The following SAMMSON variants were observed in gnomAD, a reference collection of about 807,000 sequenced individuals.
SAMMSON encodes long intergenic non-protein coding RNA 1212.
chr3:70,387,720 T>C (rs917391829), intron 9 of SAMMSON, among the ~76,000 whole-genome samples: 7 of 152,136 alleles, frequency 4.6e-5, no homozygotes, highest in Non-Finnish European at 1.0e-4. Flanking sequence ...AATTGTTTTA[T>C]CAAGGATTAA....
chr3:70,371,145 G>T (rs1319650042), intron 9 of SAMMSON, among the ~76,000 whole-genome samples: 1 of 151,852 alleles, frequency 6.6e-6, no homozygotes, highest in Non-Finnish European at 1.5e-5. Context: ...TTTATTTCTG[G>T]GTTCTCTATT....
At chr3:70,263,001 T>G (rs1701881313) in intron 6 of SAMMSON, among the ~76,000 whole-genome samples, 1 of 152,208 alleles carries the variant, frequency 6.6e-6, no homozygotes, top group Non-Finnish European at 1.5e-5. Context: ...GAAATTTTAA[T>G]TTTAGGTATT....
chr3:70,076,191 T>C (rs1407536487), intron 4 of SAMMSON, among the ~76,000 whole-genome samples: 1 of 152,072 alleles, frequency 6.6e-6, no homozygotes, highest in Non-Finnish European at 1.5e-5. Context: ...TAATAACCTG[T>C]TTATGTGAAT....
At chr3:70,121,142 A>C (rs2067431553) in intron 4 of SAMMSON, among the ~76,000 whole-genome samples, 1 of 152,114 alleles carries the variant, frequency 6.6e-6, no homozygotes, top group Admixed American at 6.6e-5. Flanking sequence ...CTCCTATAAG[A>C]ATCTAACGCC....
At chr3:70,098,032 T>C (rs1473506097) in intron 4 of SAMMSON, among the ~76,000 whole-genome samples, 1 of 152,218 alleles carries the variant, frequency 6.6e-6, no homozygotes, top group Non-Finnish European at 1.5e-5. Flanking sequence ...CTTGGGGAAC[T>C]TGATATTACT....
chr3:70,170,418 G>C (rs573335189), intron 4 of SAMMSON, among the ~76,000 whole-genome samples: 1 of 151,558 alleles, frequency 6.6e-6, no homozygotes, highest in African/African-American at 2.4e-5. Context: ...TAATTTTTTT[G>C]TCTCTTTTAA....
At chr3:70,315,092 C>T (rs547367916) in intron 7 of SAMMSON, among the ~76,000 whole-genome samples, 1 of 151,994 alleles carries the variant, frequency 6.6e-6, no homozygotes, top group Non-Finnish European at 1.5e-5. Context: ...TTATTTAAGT[C>T]GAAGCATTAG....
intron 9 of SAMMSON, among the ~76,000 whole-genome samples, chr3:70,359,113 A>C (rs1001048505): frequency 2.6e-5 from 4 of 152,036 alleles, no homozygotes; most frequent in Admixed American, 2.0e-4. Context: ...ATCAGAAAAC[A>C]TCATCATCAA....
intron 7 of SAMMSON, among the ~76,000 whole-genome samples, chr3:70,351,805 T>C (rs192082622): frequency 1.2e-4 from 18 of 152,214 alleles, no homozygotes; most frequent in Non-Finnish European, 1.5e-4. Flanking sequence ...CACTCTTCTC[T>C]AGTCAAACAG....
At chr3:70,222,849 T>C (rs1319084664) in intron 4 of SAMMSON, among the ~76,000 whole-genome samples, 1 of 152,176 alleles carries the variant, frequency 6.6e-6, no homozygotes, top group Non-Finnish European at 1.5e-5. Context: ...TGCTGATGTT[T>C]TAAAGGAATG....
chr3:70,075,669 C>G (rs150380680), intron 4 of SAMMSON, among the ~76,000 whole-genome samples: 1 of 152,138 alleles, frequency 6.6e-6, no homozygotes, highest in Non-Finnish European at 1.5e-5. Flanking sequence ...CTTTCAAAAC[C>G]TACTAGTGCT....
intron 7 of SAMMSON, among the ~76,000 whole-genome samples, chr3:70,320,437 C>G (rs1161465827): frequency 6.6e-6 from 1 of 152,010 alleles, no homozygotes; most frequent in Non-Finnish European, 1.5e-5. Flanking sequence ...CTACCATCAG[C>G]AGAAATGTGG....
chr3:70,164,413 A>G (rs993699813), intron 4 of SAMMSON, among the ~76,000 whole-genome samples: 6 of 152,030 alleles, frequency 3.9e-5, no homozygotes. Context: ...TAAAATTTCA[A>G]AAAAAGATCT....
chr3:70,112,026 T>A lies in SAMMSON; in HGVS notation n.507+40461T>A, dbSNP rs1369533448. Among the ~76,000 whole-genome samples the A allele has an allele frequency of 3.3e-5, 5 of 152,302 alleles. No homozygotes were observed. In the East Asian group the frequency reaches 9.6e-4, roughly 29 times the overall value. On this transcript the variant is annotated intron_variant and non_coding_transcript_variant, in intron 4 of 9. Coordinates refer to ENST00000642114, the Ensembl canonical transcript of SAMMSON. Reference sequence around the variant, plus strand: ...AGAATAGAATGAATGAGAGAAAAGCTACATTATAGTTGATAATGTGAACTA... The same window carrying A: ...AGAATAGAATGAATGAGAGAAAAGCAACATTATAGTTGATAATGTGAACTA...
At chr3:70,409,436 G>T (rs1701201240) in intron 2 of SAMMSON, among the ~76,000 whole-genome samples, 1 of 148,360 alleles carries the variant, frequency 6.7e-6, no homozygotes, top group Admixed American at 6.7e-5. Flanking sequence ...AGAGAGAGAA[G>T]AAAAGCCTCA....
intron 4 of SAMMSON, among the ~76,000 whole-genome samples, chr3:70,136,174 G>A (rs1300641589): frequency 6.6e-6 from 1 of 152,108 alleles, no homozygotes; most frequent in Non-Finnish European, 1.5e-5. Flanking sequence ...TTCCAAGATG[G>A]TGCCCAATGA....
At chr3:70,328,957 A>G (rs1436490967) in intron 7 of SAMMSON, among the ~76,000 whole-genome samples, 1 of 152,176 alleles carries the variant, frequency 6.6e-6, no homozygotes, top group Non-Finnish European at 1.5e-5. Flanking sequence ...AATAAAAAAG[A>G]TAAATGACAA....
At chr3:70,332,167 A>T (rs1702625715) in intron 7 of SAMMSON, among the ~76,000 whole-genome samples, 1 of 152,230 alleles carries the variant, frequency 6.6e-6, no homozygotes, top group Admixed American at 6.5e-5. Flanking sequence ...TTCTTCTTTA[A>T]CTCAAACACA....
chr3:70,140,126 T>G (rs1341533813), intron 4 of SAMMSON: 1 of 154,344 alleles, frequency 6.5e-6, no homozygotes, highest in Non-Finnish European at 1.5e-5. Context: ...GCTTAAAACT[T>G]TCCTCAGCTG....
Sources: gnomAD v4.1 joint callset for allele counts (sites outside exome capture counted in the v4.1 genomes callset) on GRCh38, gnomAD v4.1.1 for gene constraint, MANE v1.5 for transcripts, NCBI Gene and HGNC (gene_info 2026-07-23, HGNC 2026-07-21) for gene names.